Variants in SLIT2 observed in about 807,000 individuals in gnomAD.
SLIT2 encodes the protein slit guidance ligand 2.
In SLIT2, 41 loss-of-function variants were observed where a neutral mutation model predicts 185.7. The ratio of observed to expected loss-of-function variants is 0.22; its 90% CI spans 0.17 to 0.29. The LOEUF is 0.29. SLIT2 is among the 10% of genes least tolerant of loss of function. The probability of loss-of-function intolerance (pLI) is 1.00; values close to 1 mark genes in which losing one functional copy is unlikely to be tolerated. For synonymous variants in SLIT2, 693 were observed against 680.2 expected (o/e 1.02, Z -0.29); for missense variants, 1,571 against 1,909.0 (o/e 0.82, Z 3.30).
chr4:20,397,935 C>T (rs1036939203), intron 4 of SLIT2, among the ~76,000 whole-genome samples: 22 of 151,726 alleles, frequency 1.4e-4, no homozygotes, highest in Non-Finnish European at 2.9e-4. Flanking sequence ...TGTGCAGTGC[C>T]ATTGGGATGT....
intron 5 of SLIT2, among the ~76,000 whole-genome samples, chr4:20,476,148 A>G (rs1001043118): frequency 2.0e-5 from 3 of 152,126 alleles, no homozygotes; most frequent in Non-Finnish European, 2.9e-5. Context: ...CTTATACTCT[A>G]TATCATAATT....
chr4:20,364,507 T>C (rs1317718659), intron 4 of SLIT2, among the ~76,000 whole-genome samples: 1 of 152,182 alleles, frequency 6.6e-6, no homozygotes, highest in Non-Finnish European at 1.5e-5. Flanking sequence ...TAGTTTGTTT[T>C]CTAGTTCCTA....
intron 11 of SLIT2, among the ~76,000 whole-genome samples, chr4:20,515,220 CT>C (rs1364367664): frequency 6.6e-6 from 1 of 152,166 alleles, no homozygotes; most frequent in Admixed American, 6.5e-5. Context: ...GATAAAGTTA[CT>C]TCCCTGCTGG....
chr4:20,474,672 T>A (rs1715907052), intron 5 of SLIT2, among the ~76,000 whole-genome samples: 1 of 152,054 alleles, frequency 6.6e-6, no homozygotes, highest in Non-Finnish European at 1.5e-5. Flanking sequence ...TTTGATTTTT[T>A]GCATCTTTAA....
intron 4 of SLIT2, among the ~76,000 whole-genome samples, chr4:20,413,854 T>C (rs535716619): frequency 4.6e-5 from 7 of 152,184 alleles, no homozygotes; most frequent in African/African-American, 1.7e-4. Flanking sequence ...GTTTTTGTTT[T>C]GTTTTTCCAT....
At chr4:20,519,315 A>G in intron 11 of SLIT2, 67 bp from the exon 12 acceptor site, 2 of 790,988 alleles carry the variant, frequency 2.5e-6, no homozygotes, top group South Asian at 2.8e-5. Flanking sequence ...CTGAGTAAAT[A>G]TGTATTAGAT....
At chr4:20,452,289 G>T (rs141812389) in intron 4 of SLIT2, among the ~76,000 whole-genome samples, 1,955 of 152,260 alleles carry the variant, frequency 0.013, 42 homozygotes, top group African/African-American at 0.045. Flanking sequence ...TTAAATGCTT[G>T]GGGCAAATGT....
Position 20,589,880 on chromosome 4 carries a change from A to T in SLIT2, c.3182+143A>T, listed in dbSNP as rs971021879. 1.4e-5 allele frequency: 7 copies of T among 508,362 alleles called. No individual in the cohort carries two copies. The African/African-American group carries it at 1.4e-4, about 10-fold the overall frequency. 31.5% of individuals were successfully genotyped at this position (508,362 alleles called of 1,614,324 possible). A position where few individuals can be genotyped will look rare whatever the true frequency, so the allele number is the denominator to read the frequency against. On this transcript the variant is annotated intron_variant, in intron 30 of 36. Transcript: ENST00000504154. ...CACTAGTATCAGTGACATTTTTTAA[A>T]TGTCGATATACAATATGGACTTTTT...
chr4:20,364,583 A>T (rs981719963), intron 4 of SLIT2, among the ~76,000 whole-genome samples: 6 of 151,804 alleles, frequency 4.0e-5, no homozygotes, highest in East Asian at 1.9e-4. Flanking sequence ...ATTATACTTA[A>T]TTTTTTTTCA....
At chr4:20,553,219 C>G (rs1723933179) in intron 25 of SLIT2, among the ~76,000 whole-genome samples, 1 of 152,158 alleles carries the variant, frequency 6.6e-6, no homozygotes, top group Non-Finnish European at 1.5e-5. Context: ...CTACTTAACT[C>G]TAACTATCCT....
intron 26 of SLIT2, among the ~76,000 whole-genome samples, chr4:20,562,059 A>T (rs1577930008): frequency 1.3e-5 from 2 of 151,792 alleles, no homozygotes; most frequent in East Asian, 3.9e-4. Context: ...GTAATCCAAA[A>T]GGTGTAGTAA....
At chr4:20,572,149 G>T (rs1372032309) in intron 29 of SLIT2, among the ~76,000 whole-genome samples, 2 of 152,340 alleles carry the variant, frequency 1.3e-5, no homozygotes, top group Non-Finnish European at 2.9e-5. Context: ...TTGACAGCAT[G>T]AATTGTAAGG....
chr4:20,535,917 C>T (rs1188689153), intron 18 of SLIT2, among the ~76,000 whole-genome samples: 1 of 152,068 alleles, frequency 6.6e-6, no homozygotes, highest in East Asian at 1.9e-4. Context: ...TGCGAACATC[C>T]TAGAGTGGAC....
chr4:20,515,632 A>G (rs1036738130), intron 11 of SLIT2, among the ~76,000 whole-genome samples: 12 of 152,164 alleles, frequency 7.9e-5, no homozygotes, highest in African/African-American at 2.6e-4. Context: ...TCTTTACTGT[A>G]CTCTTCTAAA....
At chr4:20,291,256 G>A (rs1715786341) in intron 4 of SLIT2, among the ~76,000 whole-genome samples, 1 of 151,774 alleles carries the variant, frequency 6.6e-6, no homozygotes, top group South Asian at 2.1e-4. Flanking sequence ...GTAAATAGTT[G>A]TAATTCAGTG....
At chr4:20,510,969 G>A in intron 10 of SLIT2, 97 bp from the exon 11 acceptor site, 2 of 755,130 alleles carry the variant, frequency 2.6e-6, no homozygotes, top group Non-Finnish European at 2.4e-6. Flanking sequence ...GTCTTGATAA[G>A]TACAAAACCA....
chr4:20,430,527 C>T (rs1728893190), intron 4 of SLIT2, among the ~76,000 whole-genome samples: 1 of 152,146 alleles, frequency 6.6e-6, no homozygotes, highest in South Asian at 2.1e-4. Flanking sequence ...TTTCTCTTTG[C>T]CAAGAACACA....
chr4:20,450,772 T>C (rs964664102), intron 4 of SLIT2, among the ~76,000 whole-genome samples: 2 of 152,222 alleles, frequency 1.3e-5, no homozygotes, highest in African/African-American at 4.8e-5. Flanking sequence ...GGAAAAGCCA[T>C]AGTGTAAATC....
At chr4:20,527,527 C>T (rs572360497) in intron 15 of SLIT2, among the ~76,000 whole-genome samples, 20 of 152,214 alleles carry the variant, frequency 1.3e-4, no homozygotes, top group Non-Finnish European at 2.5e-4. Context: ...CCTTGTGATC[C>T]GCCCGCCTTG....
Sources: allele counts gnomAD v4.1 joint callset (sites outside exome capture counted in the v4.1 genomes callset), GRCh38; gene constraint gnomAD v4.1.1; transcripts MANE v1.5; gene names NCBI Gene and HGNC (gene_info 2026-07-23, HGNC 2026-07-21).